Variants in NPHS2 observed in about 807,000 individuals in gnomAD.
NPHS2 encodes the protein podocin.
NPHS2 carries 36 observed loss-of-function variants against 37.1 expected under a neutral mutation model. That is an observed-to-expected ratio of 0.97 (90% confidence interval 0.74 to 1.28). NPHS2 has a LOEUF of 1.28. NPHS2 is among the 50% of genes most tolerant of loss of function. The probability of loss-of-function intolerance (pLI) is 0.00; values close to 1 mark genes in which losing one functional copy is unlikely to be tolerated. For synonymous variants in NPHS2, 196 were observed against 189.3 expected (o/e 1.04, Z -0.29); for missense variants, 447 against 488.1 (o/e 0.92, Z 0.79).
intron 1 of NPHS2, among the ~76,000 whole-genome samples, chr1:179,567,236 T>A (rs1553315517): frequency 6.6e-6 from 1 of 152,204 alleles, no homozygotes. Context: ...TCCTCTTTTA[T>A]TTAGTTGAGC....
In NPHS2 at chr1:179,561,425, C is replaced by T. The variant is rs373903715; in HGVS notation, c.379-64G>A. 1.4e-3 allele frequency: 1,754 copies of T among 1,248,084 alleles called. 9 individuals carry two copies. The highest frequency in any genetic ancestry group is 7.8e-3 in the Middle Eastern group (39 of 5,002). 77.3% of individuals were successfully genotyped at this position (1,248,084 alleles called of 1,614,324 possible). ...AGAAAAAGTCTTCAAAAGGCCTTGG[C>T]ATAAGAATGATCCTAGATATCAGAA... On this transcript the variant is annotated intron_variant, in intron 2 of 7. Coordinates refer to ENST00000367615, the MANE Select transcript of NPHS2 (RefSeq NM_014625.4).
intron 3 of NPHS2, among the ~76,000 whole-genome samples, chr1:179,561,054 C>G (rs1417970364): frequency 2.6e-5 from 4 of 152,234 alleles, no homozygotes; most frequent in African/African-American, 9.6e-5. Flanking sequence ...TTCCAGCAAG[C>G]CTTGCCCTGG....
intron 1 of NPHS2, among the ~76,000 whole-genome samples, chr1:179,566,930 G>A (rs1016654708): frequency 7.2e-5 from 11 of 152,180 alleles, no homozygotes; most frequent in Non-Finnish European, 1.3e-4. Flanking sequence ...CTATACCTCT[G>A]TTTTGGTAGC....
chr1:179,561,020 C>T (rs1403905503), intron 3 of NPHS2, among the ~76,000 whole-genome samples: 1 of 152,254 alleles, frequency 6.6e-6, no homozygotes. Context: ...AGTCCCCAGC[C>T]ATTGGTCCTA....
intron 4 of NPHS2, 121 bp from the exon 5 acceptor site, chr1:179,557,351 A>G (rs1394961646): frequency 1.3e-6 from 1 of 760,936 alleles, no homozygotes. Context: ...GAGTTGGCCT[A>G]CCCTTTATTT....
chr1:179,564,985 T>C (rs940134538), intron 1 of NPHS2, among the ~76,000 whole-genome samples, 192 bp from the exon 2 acceptor site: 4 of 151,898 alleles, frequency 2.6e-5, no homozygotes, highest in African/African-American at 4.8e-5. Flanking sequence ...GGAAAGGTAG[T>C]GGGGACCAGG....
chr1:179,575,759 G>A lies in NPHS2; in HGVS notation c.106C>T (p.Arg36Cys). 1 of 1,494,490 alleles carries A rather than the reference G, an allele frequency of 6.7e-7. No individual in the cohort carries two copies. Among genetic ancestry groups the A allele is most frequent in the South Asian group, 1.3e-5 (1 of 78,020 alleles). The allele number at this position is 1,494,490 out of a possible 1,614,324, so 92.6% of individuals were successfully genotyped here. A position where few individuals can be genotyped will look rare whatever the true frequency, so the allele number is the denominator to read the frequency against. The change falls in exon 1 of 8, where the codon CGC becomes TGC. Residue 36 changes from arginine to cysteine, a missense_variant. Coordinates refer to ENST00000367615, the MANE Select transcript of NPHS2 (RefSeq NM_014625.4). ...TCGGGCCCAGCCTCCTGGCGCCCGC[G>A]GCCTCCGCCGCTCCTCTCGGCCTTT... is the stretch of plus-strand genomic sequence containing the variant. ...RAKAERSGGG[R>C]GRQEAGPEPS...
intron 1 of NPHS2, among the ~76,000 whole-genome samples, chr1:179,573,992 T>C (rs1010586592): frequency 5.9e-5 from 9 of 152,160 alleles, no homozygotes; most frequent in Non-Finnish European, 4.4e-5. Flanking sequence ...ATTTCTCCCG[T>C]CTTAAGTAGC....
chr1:179,568,847 G>A (rs1004649816), intron 1 of NPHS2, among the ~76,000 whole-genome samples: 1 of 152,192 alleles, frequency 6.6e-6, no homozygotes, highest in African/African-American at 2.4e-5. Flanking sequence ...CAGTTTCCAT[G>A]TAGTTGTGTG....
In NPHS2 at chr1:179,561,468, C is replaced by T. The variant is rs1039557788; in HGVS notation, c.379-107G>A. The stretch of plus-strand genomic sequence containing the variant: ...TATCAGAAATTTTTTGTTTTGAGAA[C>T]CAGGAAAAAATTTCTATTAATACTT... On this transcript the variant is annotated intron_variant, in intron 2 of 7. Transcript: ENST00000367615. 4.9e-6 allele frequency: 4 copies of T among 815,116 alleles called. No homozygotes were observed. In the South Asian group the frequency reaches 6.1e-5, roughly 12 times the overall value. 50.5% of individuals were successfully genotyped at this position (815,116 alleles called of 1,614,324 possible). A position where few individuals can be genotyped will look rare whatever the true frequency, so the allele number is the denominator to read the frequency against.
chr1:179,573,610 A>G (rs1421170030), intron 1 of NPHS2, among the ~76,000 whole-genome samples: 1 of 152,248 alleles, frequency 6.6e-6, no homozygotes. Flanking sequence ...TTTTTATAAT[A>G]TTCTCTTTCA....
intron 2 of NPHS2, among the ~76,000 whole-genome samples, chr1:179,563,082 C>T (rs1455949895): frequency 6.6e-6 from 1 of 152,158 alleles, no homozygotes; most frequent in Admixed American, 6.5e-5. Context: ...ATAGGAGACA[C>T]ACTTTATATT....
chr1:179,565,188 A>G (rs2125790537), intron 1 of NPHS2, among the ~76,000 whole-genome samples: 1 of 152,192 alleles, frequency 6.6e-6, no homozygotes, highest in Middle Eastern at 3.4e-3. Flanking sequence ...GTGGGAAGAA[A>G]GGTTGAGCCT....
rs1674063702 is a variant in NPHS2 at position 179,559,692 on chromosome 1, A to G, written c.521T>C (p.Ile174Thr). ...CATTTGGCTTACCTCATGAAAAGGT[A>G]TCTCCAGAGTTTGGAGACGAAGGTC... ...KVDLRLQTLE[I>T]PFHEIVTKDM... The change falls in exon 4 of 8, where the codon ATA becomes ACA. Residue 174 changes from isoleucine (I) to threonine (T), a missense_variant. Ile to Thr is a moderately conservative substitution (Grantham distance 89). Coordinates refer to ENST00000367615, the MANE Select transcript of NPHS2 (RefSeq NM_014625.4). 5 of 1,586,316 alleles carry G rather than the reference A, an allele frequency of 3.2e-6. No individual in the cohort carries two copies. Among genetic ancestry groups the G allele is most frequent in the Non-Finnish European group, 4.3e-6 (5 of 1,162,762 alleles).
intron 2 of NPHS2, among the ~76,000 whole-genome samples, chr1:179,563,531 A>G (rs965748066): frequency 6.6e-6 from 1 of 152,222 alleles, no homozygotes; most frequent in Non-Finnish European, 1.5e-5. Flanking sequence ...TCCAGCATAC[A>G]TGAAACATCA....
intron 7 of NPHS2, 24 bp downstream of exon 7, chr1:179,552,579 T>C (rs772967084): frequency 3.1e-6 from 5 of 1,602,436 alleles, no homozygotes; most frequent in Non-Finnish European, 4.3e-6. Flanking sequence ...AAGGGCAGTC[T>C]GGGTGGGAGG....
At chr1:179,560,036 C>T (rs1412220676) in intron 3 of NPHS2, among the ~76,000 whole-genome samples, 2 of 152,132 alleles carry the variant, frequency 1.3e-5, no homozygotes, top group African/African-American at 4.8e-5. Context: ...GTCTCAATTG[C>T]GTGTCTGTCC....
chr1:179,559,534 C>T (rs970531008), intron 4 of NPHS2, 145 bp downstream of exon 4: 4 of 633,178 alleles, frequency 6.3e-6, no homozygotes, highest in Non-Finnish European at 8.8e-6. Flanking sequence ...TTAATTGTGT[C>T]CTTTGATGCA....
At chr1:179,568,576 T>C (rs1370493160) in intron 1 of NPHS2, among the ~76,000 whole-genome samples, 2 of 152,214 alleles carry the variant, frequency 1.3e-5, no homozygotes, top group East Asian at 3.8e-4. Context: ...TCTTAGTTAT[T>C]TCTTGTCTTC....
Sources: gnomAD v4.1 joint callset for allele counts (sites outside exome capture counted in the v4.1 genomes callset) on GRCh38, gnomAD v4.1.1 for gene constraint, MANE v1.5 for transcripts, NCBI Gene and HGNC (gene_info 2026-07-23, HGNC 2026-07-21) for gene names.